The following MYEF2 variants were observed in gnomAD, a reference collection of about 807,000 sequenced individuals.
MYEF2 encodes myelin gene expression factor 2.
MYEF2 carries 37 observed loss-of-function variants against 75.2 expected under a neutral mutation model. The observed-to-expected ratio is 0.49, with a 90% CI of 0.38 to 0.65. MYEF2 has a LOEUF of 0.65. Ranked by LOEUF, MYEF2 falls within the 30% of genes least tolerant of loss-of-function variation. MYEF2 has a pLI of 0.00. For missense variants in MYEF2, 634 were observed against 771.4 expected (o/e 0.82, Z 2.11); for synonymous variants, 195 against 241.6 (o/e 0.81, Z 1.79).
chr15:48,136,642 C>A lies in MYEF2; in HGVS notation c.*6266G>T. ...CCAAAAGCTATCAACTCTAAAATGA[C>A]TTTCACTTTTAATTTAAAAACACAA... On this transcript the variant is annotated 3_prime_UTR_variant, in exon 17 of 17. Coordinates refer to ENST00000324324, the MANE Select transcript of MYEF2 (RefSeq NM_016132.5). The A allele has an allele frequency of 6.5e-7, 1 of 1,541,234 alleles. No homozygotes were observed.
At position 48,138,144 on chromosome 15, in the gene MYEF2, T is replaced by C. The variant is rs1221121834; in HGVS notation, c.*4764A>G. 6.6e-6 allele frequency: 1 copy of C among 152,100 alleles called. No individual in the cohort carries two copies. The highest frequency in any genetic ancestry group is 1.9e-4 in the East Asian group (1 of 5,192). 9.4% of individuals were successfully genotyped at this position (152,100 alleles called of 1,614,324 possible). A position where few individuals can be genotyped will look rare whatever the true frequency, so the allele number is the denominator to read the frequency against. ...TCTTTGATTATGTTAAAATTATATC[T>C]AATATTACTTAATGGCACATTGGTT... On this transcript the variant is annotated 3_prime_UTR_variant, in exon 17 of 17. Transcript: ENST00000324324.
rs752425886 is a variant in MYEF2, at chr15:48,138,987, A to G, written c.*3921T>C. ...ACAACAGATCCACCAAGTGTTTTCA[A>G]CATGCCTGAAGCAGACTTAAAAAGA... On this transcript the variant is annotated 3_prime_UTR_variant, in exon 17 of 17. Coordinates refer to ENST00000324324, the MANE Select transcript of MYEF2 (RefSeq NM_016132.5). The G allele has an allele frequency of 1.9e-6, 3 of 1,612,424 alleles. No individual in the cohort carries two copies. The South Asian group carries it at 3.3e-5, about 18-fold the overall frequency.
intron 9 of MYEF2, among the ~76,000 whole-genome samples, chr15:48,154,328 T>A (rs1022880576): frequency 9.9e-5 from 15 of 152,144 alleles, no homozygotes; most frequent in African/African-American, 1.9e-4. Context: ...CATGAAAGTA[T>A]AACACTGAAT....
Position 48,151,004 on chromosome 15 carries a change from A to G in MYEF2, c.1378+96T>C. 9.8e-6 allele frequency: 7 copies of G among 712,002 alleles called. No homozygotes were observed. In the South Asian group the frequency reaches 1.8e-4, roughly 19 times the overall value. The allele number at this position is 712,002 out of a possible 1,614,324, so 44.1% of individuals were successfully genotyped here. On this transcript the variant is annotated intron_variant, in intron 14 of 16. Transcript: ENST00000324324. ...TTATAGCAAGACACATTAACGTATAAGAACAAAGTATTACTATACTACGAT... is the reference window on the plus strand; with the variant it reads ...TTATAGCAAGACACATTAACGTATAGGAACAAAGTATTACTATACTACGAT...
intron 7 of MYEF2, 152 bp from the exon 8 acceptor site, chr15:48,158,376 A>T (rs909756849): frequency 1.0e-5 from 7 of 675,572 alleles, no homozygotes; most frequent in Non-Finnish European, 1.2e-5. Flanking sequence ...TATACTCAAA[A>T]AAATATTCAA....
In MYEF2 at chr15:48,141,003, T is replaced by C. The variant is rs1197303696; in HGVS notation, c.*1905A>G. ...AAGCAAGCACATATTGGCTCTGAAT[T>C]CTAAATGTGCCTATTTTATTTTTGT... On this transcript the variant is annotated 3_prime_UTR_variant, in exon 17 of 17. Coordinates refer to ENST00000324324, the MANE Select transcript of MYEF2 (RefSeq NM_016132.5). 1.2e-6 allele frequency: 1 copy of C among 825,790 alleles called. No individual in the cohort carries two copies. Among genetic ancestry groups the C allele is most frequent in the Non-Finnish European group, 1.9e-6 (1 of 516,372 alleles). The allele number at this position is 825,790 out of a possible 1,614,324, so 51.2% of individuals were successfully genotyped here. A position where few individuals can be genotyped will look rare whatever the true frequency, so the allele number is the denominator to read the frequency against.
intron 16 of MYEF2, among the ~76,000 whole-genome samples, chr15:48,146,362 C>T (rs577008316): frequency 4.1e-4 from 63 of 151,906 alleles, no homozygotes; most frequent in African/African-American, 1.5e-3. Context: ...ATCTTACCAG[C>T]CTGGGGTCAA....
intron 1 of MYEF2, 61 bp from the exon 2 acceptor site, chr15:48,168,900 T>A: frequency 1.6e-6 from 2 of 1,275,690 alleles, no homozygotes; most frequent in Non-Finnish European, 2.2e-6. Flanking sequence ...AGAATGGAAG[T>A]CTATATTAAA....
chr15:48,152,463 A>C (rs2039528159), intron 10 of MYEF2, 179 bp from the exon 11 acceptor site: 5 of 504,468 alleles, frequency 9.9e-6, no homozygotes. Flanking sequence ...TCTAATCATG[A>C]ATCTTCAAAA....
rs996549767 is a variant in MYEF2, at chr15:48,142,414, T to G, written c.*494A>C. 2 of 1,192,886 alleles carry G rather than the reference T, an allele frequency of 1.7e-6. No homozygotes were observed. The highest frequency in any genetic ancestry group is 3.1e-5 in the African/African-American group (2 of 65,412). The allele number at this position is 1,192,886 out of a possible 1,614,324, so 73.9% of individuals were successfully genotyped here. A position where few individuals can be genotyped will look rare whatever the true frequency, so the allele number is the denominator to read the frequency against. Reference sequence around the variant, plus strand: ...GGGAGGGGCAGAGAGAAAAATCCATTTCTTCATTTAAATCAAATTTTAAAA... The same window carrying G: ...GGGAGGGGCAGAGAGAAAAATCCATGTCTTCATTTAAATCAAATTTTAAAA... On this transcript the variant is annotated 3_prime_UTR_variant, in exon 17 of 17. Transcript: ENST00000324324.
rs200591805 is a variant in MYEF2 at position 48,160,486 on chromosome 15, T to TACATACACACACACAC, written c.526-683_526-682insGTGTGTGTGTGTATGT. Among the ~76,000 whole-genome samples the TACATACACACACACAC allele has an allele frequency of 2.5e-3, 351 of 139,302 alleles. 1 individual carries two copies. The highest frequency in any genetic ancestry group is 0.011 in the South Asian group (48 of 4,204). 91.4% of individuals were successfully genotyped at this position (139,302 alleles called of 152,430 possible). On this transcript the variant is annotated intron_variant, in intron 5 of 16. Transcript: ENST00000324324. ...CCCTACCTTTAAACAAAACCAAACA[T>TACATACACACACACAC]ACACACACACACACACACACACACA...
chr15:48,136,744 A>G lies in MYEF2; in HGVS notation c.*6164T>C, dbSNP rs745550383. ...GTATGTTTTGGTGCTGTGTTTTGAC[A>G]TTAAAATTAACCAATATATTATAAA... On this transcript the variant is annotated 3_prime_UTR_variant, in exon 17 of 17. Coordinates refer to ENST00000324324, the MANE Select transcript of MYEF2 (RefSeq NM_016132.5). 3 of 1,613,546 alleles carry G rather than the reference A, an allele frequency of 1.9e-6. No homozygotes were observed. The highest frequency in any genetic ancestry group is 2.5e-6 in the Non-Finnish European group (3 of 1,179,756).
chr15:48,153,296 A>C (rs963054551), intron 10 of MYEF2: 1 of 152,178 alleles, frequency 6.6e-6, no homozygotes, highest in African/African-American at 2.4e-5. Context: ...AATTATAACT[A>C]CATAAACAAA....
intron 16 of MYEF2, among the ~76,000 whole-genome samples, chr15:48,147,958 G>C (rs1407215270): frequency 6.6e-6 from 1 of 151,998 alleles, no homozygotes; most frequent in African/African-American, 2.4e-5. Flanking sequence ...AATAAAAGGA[G>C]CTAAGATAAA....
chr15:48,144,130 A>G (rs901497496), intron 16 of MYEF2, among the ~76,000 whole-genome samples: 2 of 152,000 alleles, frequency 1.3e-5, no homozygotes, highest in African/African-American at 2.4e-5. Flanking sequence ...TAGTCTGGCA[A>G]CCAAATCAGA....
In MYEF2 at chr15:48,134,864, A is replaced by G. The variant is rs2038857651; in HGVS notation, c.*8044T>C. The G allele has an allele frequency of 3.2e-6, 5 of 1,545,470 alleles. No individual in the cohort carries two copies. The highest frequency in any genetic ancestry group is 1.7e-4 in the Middle Eastern group (1 of 5,918). ...GAAGAAGTTACAATGTAATGGAAATAATAACTTACCATATTACAGGTCTCA... is the reference window on the plus strand; with the variant it reads ...GAAGAAGTTACAATGTAATGGAAATGATAACTTACCATATTACAGGTCTCA... On this transcript the variant is annotated 3_prime_UTR_variant, in exon 17 of 17. Coordinates refer to ENST00000324324, the MANE Select transcript of MYEF2 (RefSeq NM_016132.5).
chr15:48,151,260 T>C (rs1197742839), intron 13 of MYEF2, 89 bp from the exon 14 acceptor site: 2 of 1,204,068 alleles, frequency 1.7e-6, no homozygotes, highest in African/African-American at 1.6e-5. Context: ...TGATTTACAA[T>C]AAATGAAAAG....
intron 1 of MYEF2, chr15:48,169,997 G>A (rs543987258): frequency 4.5e-4 from 68 of 152,308 alleles, no homozygotes; most frequent in African/African-American, 1.6e-3. Context: ...TCCAAAAGAT[G>A]TAGGCATACA....
chr15:48,147,449 T>C (rs1299183143), intron 16 of MYEF2, among the ~76,000 whole-genome samples: 1 of 151,986 alleles, frequency 6.6e-6, no homozygotes, highest in Non-Finnish European at 1.5e-5. Flanking sequence ...GATTTTTTTT[T>C]TCACTCAAAC....
Sources: gnomAD v4.1 joint callset for allele counts (sites outside exome capture counted in the v4.1 genomes callset) on GRCh38, gnomAD v4.1.1 for gene constraint, MANE v1.5 for transcripts, NCBI Gene and HGNC (gene_info 2026-07-23, HGNC 2026-07-21) for gene names.